DYNC1I2: variants seen among roughly 807,000 people sequenced by gnomAD.
DYNC1I2 encodes the protein dynein cytoplasmic 1 intermediate chain 2, also known as cytoplasmic dynein 1 intermediate chain 2.
DYNC1I2 carries 53 observed loss-of-function variants against 88.6 expected under a neutral mutation model. The ratio of observed to expected loss-of-function variants is 0.60; its 90% CI spans 0.48 to 0.75. DYNC1I2 has a LOEUF of 0.75. Among genes scored for constraint, DYNC1I2 ranks in the 30% least tolerant of loss-of-function variants. The pLI is 0.00. For missense variants in DYNC1I2, 458 were observed against 766.6 expected (o/e 0.60, Z 4.75); for synonymous variants, 198 against 254.6 (o/e 0.78, Z 2.12).
chr2:171,689,172 G>A (rs1685196189), intron 1 of DYNC1I2, among the ~76,000 whole-genome samples: 1 of 152,176 alleles, frequency 6.6e-6, no homozygotes, highest in African/African-American at 2.4e-5. Context: ...TGTTGTGAAG[G>A]CAACAAAAAT....
chr2:171,694,042 C>CT (rs956017843), intron 3 of DYNC1I2, among the ~76,000 whole-genome samples: 135 of 141,092 alleles, frequency 9.6e-4, no homozygotes, highest in Middle Eastern at 7.4e-3. Flanking sequence ...TTTCTTTCTT[C>CT]TTTTTTTTTT....
Position 171,735,596 on chromosome 2 carries a change from T to C in DYNC1I2, c.1536+5743T>C, listed in dbSNP as rs558682206. On this transcript the variant is annotated intron_variant, in intron 15 of 17. Coordinates refer to ENST00000397119, the MANE Select transcript of DYNC1I2 (RefSeq NM_001378.3). ...AGACAAACAGATTATTTTCCGTGTA[T>C]GGAAGTTTAAACCAGTAAAGACAGG... Among the ~76,000 whole-genome samples the C allele has an allele frequency of 3.6e-4, 55 of 152,350 alleles. No homozygotes were observed. In the Middle Eastern group the frequency reaches 0.014, roughly 38 times the overall value.
intron 7 of DYNC1I2, among the ~76,000 whole-genome samples, chr2:171,724,595 G>A (rs1209220591): frequency 2.6e-5 from 4 of 152,176 alleles, no homozygotes; most frequent in East Asian, 1.9e-4. Context: ...TGTGTACGTC[G>A]TATGTATGTG....
At chr2:171,743,971 T>G (rs948468190) in intron 15 of DYNC1I2, 78 bp from the exon 16 acceptor site, 2 of 1,292,646 alleles carry the variant, frequency 1.5e-6, no homozygotes, top group Non-Finnish European at 2.0e-6. Flanking sequence ...TGTATGTCAT[T>G]TTTTTCCCAG....
intron 7 of DYNC1I2, among the ~76,000 whole-genome samples, chr2:171,717,874 A>AT (rs1687623415): frequency 6.6e-6 from 1 of 151,530 alleles, no homozygotes; most frequent in Non-Finnish European, 1.5e-5. Flanking sequence ...TGCATCTTGG[A>AT]TTTTTTCAAA....
Position 171,744,190 on chromosome 2 carries a change from G to T in DYNC1I2, c.1677+1G>T. On this transcript the variant is annotated splice_donor_variant, in intron 16 of 17. Transcript: ENST00000397119. LOFTEE classifies it high-confidence loss of function. ...GTGGAATCTCAATAATGACACAGAGGTGAGCAGGAAAATAACAAAAATTGC... is the reference window on the plus strand; with the variant it reads ...GTGGAATCTCAATAATGACACAGAGTTGAGCAGGAAAATAACAAAAATTGC... 1 of 1,582,074 alleles carries T rather than the reference G, an allele frequency of 6.3e-7. No individual in the cohort carries two copies. The highest frequency in any genetic ancestry group is 8.5e-7 in the Non-Finnish European group (1 of 1,170,362).
At chr2:171,734,313 C>T (rs60818323) in intron 15 of DYNC1I2, among the ~76,000 whole-genome samples, 10 of 152,182 alleles carry the variant, frequency 6.6e-5, no homozygotes, top group Non-Finnish European at 1.5e-4. Context: ...AAGGACAGAA[C>T]TTATCTTGTG....
At chr2:171,712,742 T>A (rs754191795) in intron 5 of DYNC1I2, 25 bp from the exon 6 acceptor site, 2 of 1,594,628 alleles carry the variant, frequency 1.3e-6, no homozygotes, top group Admixed American at 3.4e-5. Context: ...TGCTAATGCT[T>A]CATGGTTGTC....
At chr2:171,703,307 C>G (rs907720081) in intron 3 of DYNC1I2, among the ~76,000 whole-genome samples, 4 of 152,186 alleles carry the variant, frequency 2.6e-5, no homozygotes, top group Admixed American at 2.6e-4. Context: ...GCAACCATGG[C>G]TCACTGCAGC....
At chr2:171,726,576 A>C (rs1688270789) in intron 10 of DYNC1I2, 1 of 600,104 alleles carries the variant, frequency 1.7e-6, no homozygotes, top group Non-Finnish European at 2.7e-6. Context: ...TATTTTAATT[A>C]AATGTTTTAA....
chr2:171,718,336 A>G (rs781725391), intron 7 of DYNC1I2, among the ~76,000 whole-genome samples: 2 of 152,244 alleles, frequency 1.3e-5, no homozygotes, highest in African/African-American at 4.8e-5. Context: ...ATCATAGAGA[A>G]TTTAGAAGTA....
chr2:171,741,220 C>T (rs1689404508), intron 15 of DYNC1I2, among the ~76,000 whole-genome samples: 1 of 152,200 alleles, frequency 6.6e-6, no homozygotes, highest in Non-Finnish European at 1.5e-5. Flanking sequence ...ATGAACACTT[C>T]AGTTGCTTCT....
chr2:171,726,342 A>C (rs1325182971), intron 10 of DYNC1I2, 49 bp downstream of exon 10: 2 of 1,265,104 alleles, frequency 1.6e-6, no homozygotes, highest in Non-Finnish European at 2.2e-6. Flanking sequence ...TAAAATTATA[A>C]TTAGCAGGTC....
chr2:171,692,653 A>C (rs1473000359), intron 2 of DYNC1I2, 124 bp from the exon 3 acceptor site: 1 of 615,246 alleles, frequency 1.6e-6, no homozygotes, highest in East Asian at 2.8e-5. Flanking sequence ...AAAGAACTTA[A>C]CCTGTACTCA....
At chr2:171,717,119 A>G (rs1280953530) in intron 7 of DYNC1I2, among the ~76,000 whole-genome samples, 1 of 150,798 alleles carries the variant, frequency 6.6e-6, no homozygotes, top group African/African-American at 2.4e-5. Flanking sequence ...AAATTGGTAT[A>G]ACATTTTTGT....
At chr2:171,729,431 G>T (rs1210277646) in intron 14 of DYNC1I2, among the ~76,000 whole-genome samples, 5 of 152,102 alleles carry the variant, frequency 3.3e-5, no homozygotes. Context: ...TAAATGTAGG[G>T]TATCTTTGTT....
chr2:171,718,993 G>T (rs1687723610), intron 7 of DYNC1I2, among the ~76,000 whole-genome samples: 1 of 152,178 alleles, frequency 6.6e-6, no homozygotes, highest in East Asian at 1.9e-4. Flanking sequence ...CACTGAAGTA[G>T]CAACTCATGT....
intron 7 of DYNC1I2, 62 bp downstream of exon 7, chr2:171,715,505 T>C: frequency 9.4e-7 from 1 of 1,065,110 alleles, no homozygotes; most frequent in South Asian, 1.9e-5. Context: ...TAGATTCTTT[T>C]TTTCTTCCTT....
chr2:171,729,130 A>C (rs1688440478), intron 14 of DYNC1I2, among the ~76,000 whole-genome samples: 1 of 152,198 alleles, frequency 6.6e-6, no homozygotes, highest in Non-Finnish European at 1.5e-5. Flanking sequence ...CAAATACAAT[A>C]TGCACATGCC....
Sources: gnomAD v4.1 joint callset for allele counts (sites outside exome capture counted in the v4.1 genomes callset) on GRCh38, gnomAD v4.1.1 for gene constraint, MANE v1.5 for transcripts, NCBI Gene and HGNC (gene_info 2026-07-23, HGNC 2026-07-21) for gene names.